The following LARP4B variants were observed in gnomAD, a reference collection of about 807,000 sequenced individuals.
LARP4B encodes the protein la-related protein 4B.
In LARP4B, 12 loss-of-function variants were observed where a neutral mutation model predicts 89.8. The observed-to-expected ratio is 0.13, with a 90% CI of 0.09 to 0.22. The LOEUF is 0.22. Ranked by LOEUF, LARP4B falls within the 10% of genes least tolerant of loss-of-function variation. The pLI is 1.00. For missense variants in LARP4B, 757 were observed against 947.7 expected (o/e 0.80, Z 2.64); for synonymous variants, 367 against 363.3 (o/e 1.01, Z -0.12).
At chr10:837,756 T>C (rs1046166857) in intron 7 of LARP4B, among the ~76,000 whole-genome samples, 15 of 152,222 alleles carry the variant, frequency 9.9e-5, no homozygotes, top group Admixed American at 9.8e-4. Context: ...ACAAAATAGA[T>C]GACAGACTCG....
At chr10:922,792 G>GC (rs1446912772) in intron 1 of LARP4B, among the ~76,000 whole-genome samples, 1 of 152,162 alleles carries the variant, frequency 6.6e-6, no homozygotes, top group East Asian at 1.9e-4. Flanking sequence ...TGCTACGCAG[G>GC]CCGGGCACAG....
At chr10:906,369 A>G (rs1345810210) in intron 1 of LARP4B, among the ~76,000 whole-genome samples, 2 of 152,252 alleles carry the variant, frequency 1.3e-5, no homozygotes, top group African/African-American at 4.8e-5. Flanking sequence ...TAAATCACAC[A>G]GCTGCACGAA....
At chr10:931,958 ACGCCGCACGTCCGCCCCGCC>A (rs1264433743), upstream of LARP4B, among the ~76,000 whole-genome samples, 1 of 143,044 alleles carries the variant, frequency 7.0e-6, no homozygotes, top group East Asian at 2.1e-4. Context: ...CGCCCCGCGC[ACGCCGCACGTCCGCCCCGCC>A]CGCCCCGCCC....
At chr10:824,876 C>A (rs1370696879) in intron 13 of LARP4B, among the ~76,000 whole-genome samples, 189 bp downstream of exon 13, 1 of 152,260 alleles carries the variant, frequency 6.6e-6, no homozygotes, top group Non-Finnish European at 1.5e-5. Flanking sequence ...ACAGTTCTCA[C>A]TGAACCATTT....
chr10:980,813 T>C, the LARP4B span, among the ~76,000 whole-genome samples: 1 of 152,252 alleles, frequency 6.6e-6, no homozygotes, highest in Non-Finnish European at 1.5e-5. Flanking sequence ...CTTTTAGTTA[T>C]GCAAATATCC....
At chr10:895,292 A>G (rs569990138) in intron 1 of LARP4B, among the ~76,000 whole-genome samples, 11 of 152,250 alleles carry the variant, frequency 7.2e-5, no homozygotes, top group South Asian at 6.2e-4. Flanking sequence ...ATCAGTACAC[A>G]CTTAAGACTT....
upstream of LARP4B, among the ~76,000 whole-genome samples, chr10:932,214 G>C (rs1830653527): frequency 8.7e-6 from 1 of 115,260 alleles, no homozygotes; most frequent in South Asian, 2.9e-4. Flanking sequence ...CCAGGACCCA[G>C]GCCCCGACCC....
intron 1 of LARP4B, among the ~76,000 whole-genome samples, chr10:907,934 G>A (rs34254874): frequency 1.1e-4 from 16 of 152,260 alleles, no homozygotes; most frequent in East Asian, 1.9e-4. Context: ...GGCTGGGTGC[G>A]GTGGCTCACG....
intron 8 of LARP4B, among the ~76,000 whole-genome samples, chr10:832,556 GC>G (rs1462434250): frequency 4.1e-4 from 62 of 152,248 alleles, no homozygotes; most frequent in African/African-American, 1.3e-3. Flanking sequence ...CAATCAACTT[GC>G]TTAAAACCAG....
the LARP4B span, among the ~76,000 whole-genome samples, chr10:944,454 G>A: frequency 2.0e-5 from 3 of 152,148 alleles, no homozygotes; most frequent in African/African-American, 4.8e-5. Flanking sequence ...CCCCCAGCTC[G>A]CCCCTGCCCT....
intron 3 of LARP4B, among the ~76,000 whole-genome samples, 192 bp downstream of exon 3, chr10:884,255 G>C (rs1385003224): frequency 6.6e-6 from 1 of 152,234 alleles, no homozygotes; most frequent in Non-Finnish European, 1.5e-5. Flanking sequence ...ACGCACAGAA[G>C]CTAGAAAGGA....
chr10:923,324 T>G (rs576771673), intron 1 of LARP4B, among the ~76,000 whole-genome samples: 2 of 152,200 alleles, frequency 1.3e-5, no homozygotes, highest in Non-Finnish European at 2.9e-5. Flanking sequence ...AGCAATGAAC[T>G]AGAAATCCAT....
At chr10:870,553 T>A (rs1835149564) in intron 3 of LARP4B, among the ~76,000 whole-genome samples, 1 of 152,154 alleles carries the variant, frequency 6.6e-6, no homozygotes, top group South Asian at 2.1e-4. Context: ...CCTTAGCATT[T>A]CCCATAAAAC....
At position 822,928 on chromosome 10, in the gene LARP4B, T is replaced by C. The variant is rs542344366; in HGVS notation, c.1485-2083A>G. Among the ~76,000 whole-genome samples, 21 of 152,264 alleles carry C rather than the reference T, an allele frequency of 1.4e-4. No individual in the cohort carries two copies. The highest frequency in any genetic ancestry group is 4.1e-4 in the African/African-American group (17 of 41,558). On this transcript the variant is annotated intron_variant, in intron 13 of 17. Transcript: ENST00000316157. This position sits in a 1 kb window ranked among gnomAD's most constrained non-coding sequence, Gnocchi z 4.6. ...CTCTGGTAAGGGGTTCTCCAGGACA[T>C]CTTAGCACTTTGGTCCAATAGAGAA...
chr10:868,836 T>C (rs890731147), intron 3 of LARP4B, among the ~76,000 whole-genome samples: 5 of 152,232 alleles, frequency 3.3e-5, no homozygotes, highest in African/African-American at 9.6e-5. Flanking sequence ...ATTTGAGCCA[T>C]CTCTACCTCC....
chr10:983,749 T>C, the LARP4B span, among the ~76,000 whole-genome samples: 50 of 152,244 alleles, frequency 3.3e-4, no homozygotes, highest in South Asian at 3.7e-3. Flanking sequence ...ACGTATGAAT[T>C]TGGGGAGACT....
intron 1 of LARP4B, among the ~76,000 whole-genome samples, chr10:900,687 T>G (rs1049561340): frequency 2.7e-5 from 4 of 147,034 alleles, no homozygotes; most frequent in African/African-American, 7.5e-5. Flanking sequence ...TGGCACAATC[T>G]CAGCTCACTG....
At chr10:957,123 G>A in the LARP4B span, among the ~76,000 whole-genome samples, 5 of 152,062 alleles carry the variant, frequency 3.3e-5, no homozygotes, top group Admixed American at 6.6e-5. Flanking sequence ...TCTTCCTTCC[G>A]GGGAATCTGG....
At chr10:819,637 G>C (rs549051225) in intron 14 of LARP4B, 19 of 152,424 alleles carry the variant, frequency 1.2e-4, no homozygotes, top group African/African-American at 4.6e-4. Context: ...ATGGCTGTGG[G>C]AAAACATCAC....
Sources: gnomAD v4.1 joint callset for allele counts (sites outside exome capture counted in the v4.1 genomes callset) on GRCh38, gnomAD v4.1.1 for gene constraint, Gnocchi (gnomAD v3.1) non-coding constraint, MANE v1.5 for transcripts, NCBI Gene and HGNC (gene_info 2026-07-23, HGNC 2026-07-21) for gene names.